BNC2: variants seen among roughly 807,000 people sequenced by gnomAD.
The protein encoded by BNC2 is zinc finger protein basonuclin-2.
In BNC2, 20 loss-of-function variants were observed where a neutral mutation model predicts 76.3. The observed-to-expected ratio is 0.26, with a 90% CI of 0.18 to 0.38. The LOEUF is 0.38. Ranked by LOEUF, BNC2 falls within the 10% of genes least tolerant of loss-of-function variation. BNC2 has a pLI of 1.00. For synonymous variants in BNC2, 582 were observed against 514.8 expected, an observed-to-expected ratio of 1.13 and a Z score of -1.77; for missense variants, 1,382 against 1,399.8, an observed-to-expected ratio of 0.99 and a Z score of 0.20.
intron 5 of BNC2, among the ~76,000 whole-genome samples, chr9:16,445,517 G>GT (rs1342097085): frequency 7.3e-5 from 11 of 151,494 alleles, no homozygotes; most frequent in African/African-American, 2.2e-4. Context: ...ATCAACATTT[G>GT]TTTTGGGTAA....
intron 1 of BNC2, among the ~76,000 whole-genome samples, chr9:16,779,248 G>A (rs534689112): frequency 6.7e-6 from 1 of 149,640 alleles, no homozygotes; most frequent in South Asian, 2.1e-4. Flanking sequence ...AGGCTGCAGT[G>A]AGCCAGTATC....
chr9:16,587,322 T>C (rs1226438443), intron 3 of BNC2, among the ~76,000 whole-genome samples: 1 of 150,946 alleles, frequency 6.6e-6, no homozygotes, highest in Non-Finnish European at 1.5e-5. Flanking sequence ...CAAGCAATCC[T>C]CCCACCTCAG....
intron 5 of BNC2, among the ~76,000 whole-genome samples, chr9:16,507,657 G>A (rs936825182): frequency 6.6e-6 from 1 of 152,104 alleles, no homozygotes; most frequent in Non-Finnish European, 1.5e-5. Context: ...TTGAACTCCT[G>A]ACCTTGTGAT....
chr9:16,868,397 A>G (rs935973315), intron 1 of BNC2, among the ~76,000 whole-genome samples: 4 of 147,268 alleles, frequency 2.7e-5, no homozygotes, highest in Non-Finnish European at 4.4e-5. Context: ...TTGTAATCAC[A>G]TATCTCTATC....
intron 5 of BNC2, among the ~76,000 whole-genome samples, chr9:16,532,498 C>T (rs1279597045): frequency 6.6e-6 from 1 of 152,174 alleles, no homozygotes; most frequent in Non-Finnish European, 1.5e-5. Flanking sequence ...TTCCTATTCA[C>T]CAGAAATGGT....
intron 4 of BNC2, among the ~76,000 whole-genome samples, chr9:16,568,301 T>C (rs1819223396): frequency 6.6e-6 from 1 of 152,204 alleles, no homozygotes; most frequent in Admixed American, 6.5e-5. Flanking sequence ...ATGAGATTTT[T>C]ATTGGAGCAA....
chr9:16,776,936 G>C (rs1825983946), intron 1 of BNC2, among the ~76,000 whole-genome samples: 1 of 152,014 alleles, frequency 6.6e-6, no homozygotes, highest in African/African-American at 2.4e-5. Flanking sequence ...GACCAGCCTG[G>C]TCAACATGGC....
chr9:16,680,071 C>T (rs1428839250), intron 3 of BNC2, among the ~76,000 whole-genome samples: 2 of 152,176 alleles, frequency 1.3e-5, no homozygotes, highest in African/African-American at 4.8e-5. Context: ...AGTTTGAAAT[C>T]ACTGTCCTCA....
intron 3 of BNC2, among the ~76,000 whole-genome samples, chr9:16,639,692 A>G (rs1165281548): frequency 2.0e-5 from 3 of 152,138 alleles, no homozygotes; most frequent in African/African-American, 7.2e-5. Flanking sequence ...TGAGGCAGGA[A>G]GACCGCTTGA....
At chr9:16,835,023 G>A (rs1254995117) in intron 1 of BNC2, among the ~76,000 whole-genome samples, 1 of 152,140 alleles carries the variant, frequency 6.6e-6, no homozygotes, top group Non-Finnish European at 1.5e-5. Flanking sequence ...TAGTCAGCGA[G>A]TTTCATTCAC....
intron 1 of BNC2, among the ~76,000 whole-genome samples, chr9:16,768,171 G>T (rs1825745216): frequency 6.6e-6 from 1 of 151,840 alleles, no homozygotes; most frequent in South Asian, 2.1e-4. Context: ...TCACAATGTT[G>T]GCTAGGCTGG....
chr9:16,866,085 G>C, intron 1 of BNC2, among the ~76,000 whole-genome samples: 1 of 152,112 alleles, frequency 6.6e-6, no homozygotes, highest in East Asian at 1.9e-4. Flanking sequence ...TTTGTCTAAA[G>C]TAATGCTCCT....
At chr9:16,596,076 A>C (rs1434358679) in intron 3 of BNC2, among the ~76,000 whole-genome samples, 2 of 152,138 alleles carry the variant, frequency 1.3e-5, no homozygotes, top group Non-Finnish European at 2.9e-5. Context: ...ATGGCTCGTA[A>C]GAACTCAAGA....
chr9:16,796,677 A>C (rs1409325959), intron 1 of BNC2, among the ~76,000 whole-genome samples: 2 of 151,990 alleles, frequency 1.3e-5, no homozygotes, highest in Non-Finnish European at 2.9e-5. Context: ...AAAGAAGAGA[A>C]AAGAAAGAAA....
chr9:16,665,085 T>C, intron 3 of BNC2: 1 of 456,194 alleles, frequency 2.2e-6, no homozygotes, highest in Non-Finnish European at 4.4e-6. Context: ...ATAGCAACTT[T>C]CAGCCGGGTG....
intron 1 of BNC2, among the ~76,000 whole-genome samples, chr9:16,855,498 T>C (rs187777157): frequency 6.6e-6 from 1 of 152,228 alleles, no homozygotes; most frequent in Non-Finnish European, 1.5e-5. Flanking sequence ...CTACGCCAAA[T>C]GTACAGCTTG....
At chr9:16,621,772 G>A (rs1820874017) in intron 3 of BNC2, among the ~76,000 whole-genome samples, 1 of 152,034 alleles carries the variant, frequency 6.6e-6, no homozygotes, top group Non-Finnish European at 1.5e-5. Context: ...TGCTGAAAGT[G>A]TAAAATACAC....
At position 16,665,386 on chromosome 9, in the gene BNC2, A is replaced by AAAAAGAGAG. The variant is rs1554702315; in HGVS notation, c.330+62410_330+62411insCTCTCTTTT. Among the ~76,000 whole-genome samples, 5 of 84,302 alleles carry AAAAAGAGAG rather than the reference A, an allele frequency of 5.9e-5. 1 individual carries two copies. Among genetic ancestry groups the AAAAAGAGAG allele is most frequent in the Non-Finnish European group, 1.1e-4 (5 of 47,328 alleles). The allele number at this position is 84,302 out of a possible 152,430, so 55.3% of individuals were successfully genotyped here. ...CCTCTGTCTCAAAAAAAAAAAAAAAAAGAGAGAGAGAGAGAGAAAGAGAGA... is the reference window on the plus strand; with the variant it reads ...CCTCTGTCTCAAAAAAAAAAAAAAAAAAAAGAGAGAGAGAGAGAGAGAGAGAAAGAGAGA... On this transcript the variant is annotated intron_variant, in intron 3 of 6. Coordinates refer to ENST00000380672, the MANE Select transcript of BNC2 (RefSeq NM_017637.6).
chr9:16,614,485 A>C (rs1403631020), intron 3 of BNC2, among the ~76,000 whole-genome samples: 7 of 152,032 alleles, frequency 4.6e-5, no homozygotes, highest in Admixed American at 4.6e-4. Context: ...AATCCAAAAA[A>C]CTCCATCTAA....
Sources: allele counts gnomAD v4.1 joint callset (sites outside exome capture counted in the v4.1 genomes callset), GRCh38; gene constraint gnomAD v4.1.1; transcripts MANE v1.5; gene names NCBI Gene and HGNC (gene_info 2026-07-23, HGNC 2026-07-21).